Variants in PCDHGA4 observed in about 807,000 individuals in gnomAD.
The protein encoded by PCDHGA4 is protocadherin gamma-A4.
PCDHGA4 carries 38 observed loss-of-function variants against 54.6 expected under a neutral mutation model. The observed-to-expected ratio is 0.70, with a 90% CI of 0.54 to 0.91. PCDHGA4 has a LOEUF of 0.91. Ranked by LOEUF, PCDHGA4 falls within the 40% of genes least tolerant of loss-of-function variation. The pLI is 0.00. For synonymous variants in PCDHGA4, 511 were observed against 512.9 expected, an observed-to-expected ratio of 1.00 and a Z score of 0.05; for missense variants, 1,298 against 1,220.9, an observed-to-expected ratio of 1.06 and a Z score of -0.94.
At chr5:141,376,226 A>G in intron 1 of PCDHGA4, 2 of 1,614,202 alleles carry the variant, frequency 1.2e-6, no homozygotes, top group Non-Finnish European at 1.7e-6. Flanking sequence ...GCTGGCGCTC[A>G]GACTGCAGCG....
rs183549806 is a variant in PCDHGA4 at position 141,487,760 on chromosome 5, G to A, written c.2515-7047G>A. ...TGTAAGAGGTAACTATGTGGTAGAC[G>A]CTGTGCTTTGTAACTGTTTCGTGAA... On this transcript the variant is annotated intron_variant, in intron 1 of 3. Transcript: ENST00000571252. The surrounding 1 kb of genome is among the most constrained non-coding windows in gnomAD (Gnocchi z 5.0). 42 of 1,545,950 alleles carry A rather than the reference G, an allele frequency of 2.7e-5. No homozygotes were observed. The African/African-American group carries it at 3.8e-4, about 14-fold the overall frequency.
intron 2 of PCDHGA4, among the ~76,000 whole-genome samples, chr5:141,495,922 C>G (rs1263216717): frequency 6.6e-6 from 1 of 152,100 alleles, no homozygotes; most frequent in Non-Finnish European, 1.5e-5. Context: ...CTTTCTTTGT[C>G]TCTGTCTCTG....
intron 1 of PCDHGA4, among the ~76,000 whole-genome samples, chr5:141,463,314 A>G (rs1357327211): frequency 2.0e-5 from 3 of 151,098 alleles, no homozygotes; most frequent in Non-Finnish European, 2.9e-5. Context: ...TCTAATATCT[A>G]TTCCTCAACT....
chr5:141,499,565 C>CTTATCTTGT (rs2099792732), intron 2 of PCDHGA4, among the ~76,000 whole-genome samples: 2 of 152,168 alleles, frequency 1.3e-5, no homozygotes, highest in Non-Finnish European at 2.9e-5. Flanking sequence ...CACTATCCAG[C>CTTATCTTGT]TTCAACTAAT....
At chr5:141,467,099 C>T (rs2099136810) in intron 1 of PCDHGA4, among the ~76,000 whole-genome samples, 1 of 149,976 alleles carries the variant, frequency 6.7e-6, no homozygotes, top group Admixed American at 6.7e-5. Context: ...GTCACACAGG[C>T]TGGAGTACAA....
intron 1 of PCDHGA4, chr5:141,385,373 T>A (rs754384717): frequency 6.5e-7 from 1 of 1,529,238 alleles, no homozygotes; most frequent in African/African-American, 1.4e-5. Context: ...TTGCATGATA[T>A]TTCTCTATTA....
chr5:141,357,267 C>G lies in PCDHGA4; in HGVS notation c.2160C>G (p.Leu720=). The change falls in exon 1 of 4, where the codon CTC becomes CTG. Residue 720 remains leucine (L), a synonymous_variant. Coordinates refer to ENST00000571252, the MANE Select transcript of PCDHGA4 (RefSeq NM_018917.4). ...CAGCAGACCCAGACGACTCGGGCCT[C>G]ACACTCTATCTCGTGGTGGCAGTGG... is the stretch of plus-strand genomic sequence containing the variant. The part of the protein sequence containing the change: ...KPSADPDDSG[L]TLYLVVAVAA... 1.2e-6 allele frequency: 2 copies of G among 1,613,834 alleles called. No homozygotes were observed. The highest frequency in any genetic ancestry group is 4.5e-5 in the East Asian group (2 of 44,880).
In PCDHGA4 at chr5:141,476,776, G is replaced by A. The variant is rs764674164; in HGVS notation, c.2515-18031G>A. 9.3e-6 allele frequency: 15 copies of A among 1,612,744 alleles called. No homozygotes were observed. The highest frequency in any genetic ancestry group is 1.3e-5 in the Non-Finnish European group (15 of 1,179,218). On this transcript the variant is annotated intron_variant, in intron 1 of 3. Coordinates refer to ENST00000571252, the MANE Select transcript of PCDHGA4 (RefSeq NM_018917.4). This position sits in a 1 kb window ranked among gnomAD's most constrained non-coding sequence, Gnocchi z 7.6. ...TAGTGCTGACGGCGTTGGACGGAGG[G>A]ACCCCAGCTCTCTCCGCCAGCCTGC...
chr5:141,509,059 C>T (rs1313349089), intron 3 of PCDHGA4, among the ~76,000 whole-genome samples: 2 of 152,182 alleles, frequency 1.3e-5, no homozygotes, highest in Non-Finnish European at 2.9e-5. Flanking sequence ...CCAGAAAGCT[C>T]TCAGCTCCGG....
At chr5:141,385,173 C>A in intron 1 of PCDHGA4, 1 of 1,614,188 alleles carries the variant, frequency 6.2e-7, no homozygotes. Context: ...ATGAGGTCTC[C>A]CTCACCGCGG....
chr5:141,388,842 A>G (rs1399936260), intron 1 of PCDHGA4: 1 of 1,614,014 alleles, frequency 6.2e-7, no homozygotes, highest in Non-Finnish European at 8.5e-7. Flanking sequence ...TTTGGAAGCA[A>G]GGGACGGTGG....
At chr5:141,427,960 G>C (rs759698390) in intron 1 of PCDHGA4, 7 of 1,589,168 alleles carry the variant, frequency 4.4e-6, no homozygotes, top group South Asian at 1.1e-5. Flanking sequence ...AATGTGCCGC[G>C]GGTGCTGTAC....
intron 1 of PCDHGA4, chr5:141,371,301 A>T (rs199851082): frequency 6.2e-7 from 1 of 1,613,990 alleles, no homozygotes. Flanking sequence ...GGAACTCACC[A>T]CTATTGGAGA....
chr5:141,430,882 A>G, intron 1 of PCDHGA4: 3 of 1,601,068 alleles, frequency 1.9e-6, no homozygotes, highest in Non-Finnish European at 2.6e-6. Context: ...AGCTGGAGAA[A>G]GGCTCTAGGG....
chr5:141,397,353 AG>A (rs556761818), intron 1 of PCDHGA4, among the ~76,000 whole-genome samples: 31 of 152,340 alleles, frequency 2.0e-4, no homozygotes, highest in Non-Finnish European at 2.9e-4. Flanking sequence ...TAATATAGTC[AG>A]GAAGAGGAGA....
At chr5:141,417,302 G>A (rs1267397415) in intron 1 of PCDHGA4, 1 of 152,270 alleles carries the variant, frequency 6.6e-6, no homozygotes, top group Non-Finnish European at 1.5e-5. Context: ...GCCTCTGGAT[G>A]GAGGAATTGG....
intron 1 of PCDHGA4, among the ~76,000 whole-genome samples, chr5:141,457,440 A>C (rs188608086): frequency 1.3e-5 from 2 of 152,334 alleles, no homozygotes; most frequent in African/African-American, 4.8e-5. Flanking sequence ...ACCAAGCTGC[A>C]GAAGATCACC....
chr5:141,389,818 G>A (rs778055680), intron 1 of PCDHGA4: 1 of 1,613,888 alleles, frequency 6.2e-7, no homozygotes, highest in Non-Finnish European at 8.5e-7. Flanking sequence ...GTCGCCGTGC[G>A]TGACGGTGGA....
At position 141,494,872 on chromosome 5, in the gene PCDHGA4, G is replaced by T. The variant is rs917132299; in HGVS notation, c.2573+7G>T. On this transcript the variant is annotated splice_region_variant and intron_variant, in intron 2 of 3. Transcript: ENST00000571252. The stretch of plus-strand genomic sequence containing the variant: ...AGAGACCCGGCACCAGCGGGTAGGT[G>T]ACTGATTCTCCAGCCCACCCTCTTC... 7 of 1,614,010 alleles carry T rather than the reference G, an allele frequency of 4.3e-6. No homozygotes were observed. The highest frequency in any genetic ancestry group is 1.3e-5 in the African/African-American group (1 of 74,910).
Sources: allele counts gnomAD v4.1 joint callset (sites outside exome capture counted in the v4.1 genomes callset), GRCh38; gene constraint gnomAD v4.1.1; non-coding constraint Gnocchi (gnomAD v3.1); transcripts MANE v1.5; gene names NCBI Gene and HGNC (gene_info 2026-07-23, HGNC 2026-07-21).